EDDM13: variants seen among roughly 807,000 people sequenced by gnomAD.
EDDM13 encodes the protein epididymal protein 13.
Under a neutral mutation model 17.8 loss-of-function variants are expected in EDDM13, and 24 were observed. That is an observed-to-expected ratio of 1.35 (90% CI 0.98 to 1.90). EDDM13 has a LOEUF of 1.90. EDDM13 is among the 40% of genes most tolerant of loss of function. The pLI, the probability that EDDM13 is intolerant of heterozygous loss-of-function variation, is 0.00. For missense variants in EDDM13, 97 were observed against 100.8 expected (o/e 0.96, Z 0.16); for synonymous variants, 31 against 37.5 (o/e 0.83, Z 0.63).
chr19:56,309,595 C>G (rs924926339), intron 14 of EDDM13, among the ~76,000 whole-genome samples: 2 of 152,218 alleles, frequency 1.3e-5, no homozygotes, highest in Non-Finnish European at 2.9e-5. Context: ...GCAGGAAGTA[C>G]CCCTGATCCA....
At chr19:56,299,390 C>G (rs1392168708) in intron 12 of EDDM13, among the ~76,000 whole-genome samples, 3 of 151,912 alleles carry the variant, frequency 2.0e-5, no homozygotes, top group Non-Finnish European at 4.4e-5. Context: ...GCCTCAGATT[C>G]CCAAAGTGCT....
chr19:56,292,532 C>T (rs184607359), intron 9 of EDDM13, among the ~76,000 whole-genome samples: 32 of 149,848 alleles, frequency 2.1e-4, no homozygotes, highest in Non-Finnish European at 3.5e-4. Flanking sequence ...AAGCAATCCT[C>T]CTACCTCAGC....
intron 3 of EDDM13, 77 bp downstream of exon 3, chr19:56,281,775 G>A (rs891289081): frequency 2.1e-5 from 18 of 869,802 alleles, no homozygotes; most frequent in Non-Finnish European, 2.3e-5. Context: ...ATGAAAGAGA[G>A]AGGCAAAACT....
At chr19:56,300,608 T>C (rs1477199234) in intron 12 of EDDM13, among the ~76,000 whole-genome samples, 1 of 152,222 alleles carries the variant, frequency 6.6e-6, no homozygotes, top group East Asian at 1.9e-4. Context: ...AGTGTAAACG[T>C]TGAAGAGAGA....
At chr19:56,289,375 G>T (rs1042891053) in intron 8 of EDDM13, among the ~76,000 whole-genome samples, 1 of 152,158 alleles carries the variant, frequency 6.6e-6, no homozygotes, top group Non-Finnish European at 1.5e-5. Flanking sequence ...AGAGAAAGGG[G>T]CCAGGCCCTT....
intron 6 of EDDM13, chr19:56,286,804 GGC>G (rs1331770145): frequency 3.3e-5 from 5 of 152,146 alleles, no homozygotes; most frequent in Non-Finnish European, 5.9e-5. Flanking sequence ...AGATCTGCTC[GGC>G]GTCACTAAGC....
At chr19:56,306,206 G>C (rs528697821) in intron 14 of EDDM13, among the ~76,000 whole-genome samples, 22 of 152,334 alleles carry the variant, frequency 1.4e-4, no homozygotes, top group African/African-American at 5.3e-4. Context: ...GTCAAGGCTA[G>C]GGTCCAGGGT....
At chr19:56,280,830 C>T (rs1189424683) in intron 2 of EDDM13, 1 of 152,078 alleles carries the variant, frequency 6.6e-6, no homozygotes, top group Non-Finnish European at 1.5e-5. Context: ...CCCATTAGGC[C>T]CCACCTCCCA....
intron 9 of EDDM13, among the ~76,000 whole-genome samples, chr19:56,294,321 C>T (rs1600212860): frequency 1.3e-5 from 2 of 152,192 alleles, no homozygotes; most frequent in African/African-American, 4.8e-5. Flanking sequence ...GTGGAGACAG[C>T]CTGAGTTTTA....
At chr19:56,277,387 G>A (rs888130225) in intron 2 of EDDM13, among the ~76,000 whole-genome samples, 23 of 152,180 alleles carry the variant, frequency 1.5e-4, no homozygotes, top group Admixed American at 7.2e-4. Flanking sequence ...ATTCAACATC[G>A]TGTGTGAGCC....
intron 9 of EDDM13, among the ~76,000 whole-genome samples, chr19:56,292,461 T>TTTTTTTTTTTTTTACTTC: frequency 6.6e-6 from 1 of 151,664 alleles, no homozygotes; most frequent in Middle Eastern, 3.4e-3. Context: ...GTTTTTACTT[T>TTTTTTTTTTTTTTACTTC]TTTTTTTTTT....
chr19:56,302,830 GT>G (rs758645116), intron 13 of EDDM13: 1 of 398,726 alleles, frequency 2.5e-6, no homozygotes, highest in Non-Finnish European at 4.4e-6. Context: ...GCTGTCTCTT[GT>G]TCTTTCTAAG....
chr19:56,281,212 A>ACAACG (rs1301704020), intron 2 of EDDM13, among the ~76,000 whole-genome samples: 4 of 152,112 alleles, frequency 2.6e-5, no homozygotes, highest in Non-Finnish European at 5.9e-5. Flanking sequence ...TGTCATCTTC[A>ACAACG]CAATGAGTAG....
intron 2 of EDDM13, among the ~76,000 whole-genome samples, chr19:56,278,775 G>A (rs1016484796): frequency 6.6e-6 from 1 of 152,160 alleles, no homozygotes; most frequent in Non-Finnish European, 1.5e-5. Flanking sequence ...GGAGCTCAGG[G>A]AGCTGTTGGT....
chr19:56,291,629 G>A (rs761147023), intron 9 of EDDM13, among the ~76,000 whole-genome samples: 4 of 152,040 alleles, frequency 2.6e-5, no homozygotes, highest in Non-Finnish European at 5.9e-5. Context: ...CAACAGCACT[G>A]AAACCTAAGA....
chr19:56,301,874 T>TG (rs2040257207), intron 12 of EDDM13, 94 bp from the exon 13 acceptor site: 30 of 1,225,546 alleles, frequency 2.4e-5, no homozygotes, highest in Non-Finnish European at 3.1e-5. Flanking sequence ...GAGATGTGAG[T>TG]TTGGAGATCA....
At chr19:56,298,693 G>T (rs1161712975) in intron 12 of EDDM13, among the ~76,000 whole-genome samples, 2 of 151,106 alleles carry the variant, frequency 1.3e-5, no homozygotes, top group African/African-American at 4.9e-5. Context: ...ATCTATTAAA[G>T]AAATGCCACC....
intron 5 of EDDM13, among the ~76,000 whole-genome samples, chr19:56,284,534 T>TTTTG (rs2038962148): frequency 6.9e-6 from 1 of 145,570 alleles, no homozygotes; most frequent in Non-Finnish European, 1.5e-5. Context: ...TTTTTTTTTT[T>TTTTG]GAGACAGTCT....
At chr19:56,309,733 C>T (rs2040913994) in intron 14 of EDDM13, among the ~76,000 whole-genome samples, 2 of 152,188 alleles carry the variant, frequency 1.3e-5, no homozygotes, top group Admixed American at 6.5e-5. Flanking sequence ...CTGCGGGGCG[C>T]GCCCTCTAGT....
Sources: allele counts gnomAD v4.1 joint callset (sites outside exome capture counted in the v4.1 genomes callset), GRCh38; gene constraint gnomAD v4.1.1; transcripts MANE v1.5; gene names NCBI Gene and HGNC (gene_info 2026-07-23, HGNC 2026-07-21).